KCNH8: variants seen among roughly 807,000 people sequenced by gnomAD.
KCNH8 encodes potassium voltage-gated channel subfamily H member 8, also known as voltage-gated delayed rectifier potassium channel KCNH8.
In KCNH8, 70 loss-of-function variants were observed where a neutral mutation model predicts 103.6. The ratio of observed to expected loss-of-function variants is 0.68; its 90% CI spans 0.56 to 0.82. The LOEUF (loss-of-function observed/expected upper bound fraction) is 0.82. Ranked by LOEUF, KCNH8 falls within the 40% of genes least tolerant of loss-of-function variation. KCNH8 has a pLI of 0.00. For synonymous variants in KCNH8, 498 were observed against 489.4 expected (o/e 1.02, Z -0.23); for missense variants, 1,217 against 1,329.9 (o/e 0.92, Z 1.32).
At chr3:19,260,487 GATAT>G (rs57661437) in intron 2 of KCNH8, among the ~76,000 whole-genome samples, 4,457 of 39,560 alleles carry the variant, frequency 0.11, 335 homozygotes, top group Middle Eastern at 0.18. Context: ...TACTCTATAG[GATAT>G]ATATATATAT....
At chr3:19,304,144 A>G (rs974553356) in intron 3 of KCNH8, among the ~76,000 whole-genome samples, 2 of 152,172 alleles carry the variant, frequency 1.3e-5, no homozygotes, top group Non-Finnish European at 2.9e-5. Context: ...TACCCTTTCA[A>G]TAAGGCTTTG....
intron 1 of KCNH8, among the ~76,000 whole-genome samples, chr3:19,150,752 A>G (rs1384835748): frequency 1.3e-5 from 2 of 152,204 alleles, no homozygotes; most frequent in African/African-American, 4.8e-5. Flanking sequence ...GACCATCCTG[A>G]CATACCTGTA....
chr3:19,385,524 T>A lies in KCNH8; in HGVS notation c.812-4957T>A, dbSNP rs187419921. On this transcript the variant is annotated intron_variant, in intron 5 of 15. Coordinates refer to ENST00000328405, the MANE Select transcript of KCNH8 (RefSeq NM_144633.3). The stretch of plus-strand genomic sequence containing the variant: ...TCTTCTAAATGCAGTTTTTCTTAAA[T>A]GCTGTTTCTCACTGGGCCTACTGCT... 1.9e-3 allele frequency among the ~76,000 whole-genome samples: 296 copies of A among 152,298 alleles called. 4 individuals are homozygous for A. The highest frequency in any genetic ancestry group is 0.017 in the Admixed American group (256 of 15,286).
intron 3 of KCNH8, among the ~76,000 whole-genome samples, chr3:19,329,894 C>T (rs1454251227): frequency 2.0e-5 from 3 of 151,730 alleles, no homozygotes; most frequent in East Asian, 3.9e-4. Context: ...TCTGCACACC[C>T]GAACTGTTTC....
At position 19,211,370 on chromosome 3, in the gene KCNH8, T is replaced by C. The variant is rs537574898; in HGVS notation, c.77-42284T>C. Among the ~76,000 whole-genome samples, 24 of 152,250 alleles carry C rather than the reference T, an allele frequency of 1.6e-4. No homozygotes were observed. In the South Asian group the frequency reaches 5.0e-3, roughly 32 times the overall value. ...GTTGATTGGAATAGTCAGGGCAGGC[T>C]TCATGGAAGAGGTGGGGCTGGAGGA... On this transcript the variant is annotated intron_variant, in intron 1 of 15. Transcript: ENST00000328405.
intron 11 of KCNH8, among the ~76,000 whole-genome samples, chr3:19,493,243 C>CTT (rs1013958014): frequency 1.3e-5 from 2 of 152,050 alleles, no homozygotes; most frequent in Non-Finnish European, 2.9e-5. Context: ...CTGGCTAGGA[C>CTT]TTTCAGTACT....
At chr3:19,361,243 T>C (rs773944785) in intron 5 of KCNH8, among the ~76,000 whole-genome samples, 3 of 152,086 alleles carry the variant, frequency 2.0e-5, no homozygotes, top group Non-Finnish European at 4.4e-5. Flanking sequence ...GGTTTTTCAA[T>C]AGAATCATGG....
At chr3:19,191,162 A>G (rs1201626858) in intron 1 of KCNH8, among the ~76,000 whole-genome samples, 3 of 151,834 alleles carry the variant, frequency 2.0e-5, no homozygotes, top group African/African-American at 7.2e-5. Flanking sequence ...ACGTTCTAGT[A>G]TATGTGTGTA....
chr3:19,495,384 G>A (rs1162391288), intron 11 of KCNH8, among the ~76,000 whole-genome samples: 3 of 152,122 alleles, frequency 2.0e-5, no homozygotes, highest in African/African-American at 4.8e-5. Flanking sequence ...ATGGTATAAG[G>A]AAAGGGTCCA....
At chr3:19,292,151 T>G (rs993306331) in intron 3 of KCNH8, among the ~76,000 whole-genome samples, 3 of 152,208 alleles carry the variant, frequency 2.0e-5, no homozygotes, top group African/African-American at 4.8e-5. Context: ...GAAATTATTT[T>G]TGTTTATTTC....
chr3:19,344,884 T>G lies in KCNH8; in HGVS notation c.570+2170T>G, dbSNP rs572860322. Reference sequence around the variant, plus strand: ...ATTTTTATTAGTCCCATTTTAATGATGGAAAAAAACACAACTTATTAGAAG... The same window carrying G: ...ATTTTTATTAGTCCCATTTTAATGAGGGAAAAAAACACAACTTATTAGAAG... On this transcript the variant is annotated intron_variant, in intron 4 of 15. Coordinates refer to ENST00000328405, the MANE Select transcript of KCNH8 (RefSeq NM_144633.3). Among the ~76,000 whole-genome samples the G allele has an allele frequency of 2.0e-5, 3 of 152,172 alleles. No homozygotes were observed. In the East Asian group the frequency reaches 5.8e-4, roughly 29 times the overall value.
intron 1 of KCNH8, among the ~76,000 whole-genome samples, chr3:19,212,372 A>G (rs912959278): frequency 1.3e-5 from 2 of 152,170 alleles, no homozygotes; most frequent in Non-Finnish European, 2.9e-5. Context: ...TTGATCTTCA[A>G]GCCCCAACGT....
chr3:19,456,740 TG>T, intron 10 of KCNH8, 27 bp from the exon 11 acceptor site: 2 of 1,515,664 alleles, frequency 1.3e-6, no homozygotes, highest in Admixed American at 1.7e-5. Context: ...TTTTTTTTTT[TG>T]AAAATGATCT....
chr3:19,525,986 A>G (rs1324715279), intron 15 of KCNH8, among the ~76,000 whole-genome samples: 4 of 151,968 alleles, frequency 2.6e-5, no homozygotes, highest in South Asian at 2.1e-4. Context: ...AATTATGCCA[A>G]TCGTCTTTTT....
intron 13 of KCNH8, among the ~76,000 whole-genome samples, chr3:19,514,460 T>C (rs1173274163): frequency 6.6e-6 from 1 of 151,940 alleles, no homozygotes; most frequent in Admixed American, 6.6e-5. Flanking sequence ...GAAAGGTTTA[T>C]ATACAACATA....
intron 11 of KCNH8, among the ~76,000 whole-genome samples, chr3:19,459,913 T>C (rs2067594920): frequency 6.6e-6 from 1 of 152,128 alleles, no homozygotes; most frequent in Non-Finnish European, 1.5e-5. Context: ...ACCTGAATTA[T>C]CTCTGGAATT....
At chr3:19,221,416 G>A (rs2063872820) in intron 1 of KCNH8, among the ~76,000 whole-genome samples, 1 of 152,216 alleles carries the variant, frequency 6.6e-6, no homozygotes, top group Non-Finnish European at 1.5e-5. Flanking sequence ...AGTATTATAA[G>A]AGATACATTC....
intron 1 of KCNH8, among the ~76,000 whole-genome samples, chr3:19,239,666 CTATCTATCTATCTAT>C (rs2064111799): frequency 6.6e-6 from 1 of 151,706 alleles, no homozygotes; most frequent in African/African-American, 2.4e-5. Context: ...ATCTATCTAT[CTATCTATCTATCTAT>C]CTACCTACCT....
chr3:19,328,524 G>C (rs1274782812), intron 3 of KCNH8, among the ~76,000 whole-genome samples: 1 of 151,998 alleles, frequency 6.6e-6, no homozygotes, highest in Non-Finnish European at 1.5e-5. Flanking sequence ...ATGTTGAATT[G>C]CACAACCAGA....
Sources: allele counts gnomAD v4.1 joint callset (sites outside exome capture counted in the v4.1 genomes callset), GRCh38; gene constraint gnomAD v4.1.1; transcripts MANE v1.5; gene names NCBI Gene and HGNC (gene_info 2026-07-23, HGNC 2026-07-21).